The following SNRPN variants were observed in gnomAD, a reference collection of about 807,000 sequenced individuals.
SNRPN encodes small nuclear ribonucleoprotein polypeptide N, also known as small nuclear ribonucleoprotein-associated protein N.
In SNRPN, 7 loss-of-function variants were observed where a neutral mutation model predicts 25.2. That is an observed-to-expected ratio of 0.28 (90% CI 0.16 to 0.52). The LOEUF is 0.52. Among genes scored for constraint, SNRPN ranks in the 20% least tolerant of loss-of-function variants. The probability of loss-of-function intolerance (pLI) is 0.96; values close to 1 mark genes in which losing one functional copy is unlikely to be tolerated. For synonymous variants in SNRPN, 124 were observed against 110.6 expected, an observed-to-expected ratio of 1.12 and a Z score of -0.76; for missense variants, 196 against 322.5, an observed-to-expected ratio of 0.61 and a Z score of 3.00.
intron 1 of SNRPN, among the ~76,000 whole-genome samples, chr15:24,956,693 G>A (rs2062971475): frequency 6.6e-6 from 1 of 152,206 alleles, no homozygotes; most frequent in Non-Finnish European, 1.5e-5. Flanking sequence ...CGGTTGTGGC[G>A]CAGTAGAGGG....
chr15:24,975,935 A>G (rs2077011983), intron 5 of SNRPN, among the ~76,000 whole-genome samples: 1 of 152,128 alleles, frequency 6.6e-6, no homozygotes, highest in Non-Finnish European at 1.5e-5. Flanking sequence ...CCATTATTTC[A>G]GTTCTGTGTC....
intron 8 of SNRPN, 81 bp downstream of exon 8, chr15:24,977,997 C>G (rs987682859): frequency 1.4e-6 from 2 of 1,382,902 alleles, no homozygotes; most frequent in South Asian, 2.8e-5. Context: ...GCCTGAGAGC[C>G]TAAGAATTTG....
chr15:24,931,263 G>A (rs1264370077), intron 3 of SNRPN, among the ~76,000 whole-genome samples: 1 of 152,136 alleles, frequency 6.6e-6, no homozygotes, highest in Non-Finnish European at 1.5e-5. Context: ...TATACTGAAT[G>A]ATTTTATTCC....
rs1280410879 is a variant in SNRPN, at chr15:24,931,883, C to G, written c.-391+11759C>G. ...AAAAAAAAAAAGACTTTGCTTCACC[C>G]ACAAAGGGAAAATCAGGGAATAGGA... On this transcript the variant is annotated intron_variant, in intron 3 of 11. Coordinates refer to the SNRPN transcript ENST00000400097. Among the ~76,000 whole-genome samples, 4 of 142,820 alleles carry G rather than the reference C, an allele frequency of 2.8e-5. No individual in the cohort carries two copies. The East Asian group carries it at 8.3e-4, about 30-fold the overall frequency. 93.7% of individuals were successfully genotyped at this position (142,820 alleles called of 152,430 possible). A position where few individuals can be genotyped will look rare whatever the true frequency, so the allele number is the denominator to read the frequency against.
chr15:24,835,211 T>G (rs920901065), intron 2 of SNRPN, among the ~76,000 whole-genome samples: 21 of 148,434 alleles, frequency 1.4e-4, no homozygotes, highest in African/African-American at 5.0e-4. Flanking sequence ...AATAAAATTT[T>G]GTTTTAGTTT....
chr15:24,930,085 A>T (rs1364998487), intron 3 of SNRPN, among the ~76,000 whole-genome samples: 2 of 152,050 alleles, frequency 1.3e-5, no homozygotes, highest in South Asian at 4.2e-4. Context: ...GCGAGCTTGC[A>T]GTGAGCCGAG....
At chr15:24,957,184 A>G (rs1036299734) in intron 1 of SNRPN, among the ~76,000 whole-genome samples, 2 of 152,158 alleles carry the variant, frequency 1.3e-5, no homozygotes, top group Non-Finnish European at 2.9e-5. Context: ...TGGATAGTCC[A>G]TTCTGATGCA....
chr15:24,862,169 T>TA (rs1392593605), intron 1 of SNRPN, among the ~76,000 whole-genome samples: 1 of 150,978 alleles, frequency 6.6e-6, no homozygotes, highest in East Asian at 1.9e-4. Context: ...TAAAATAGAC[T>TA]AGAAATGATG....
At chr15:24,976,825 A>T in intron 6 of SNRPN, 52 bp from the exon 7 acceptor site, 1 of 1,522,056 alleles carries the variant, frequency 6.6e-7, no homozygotes, top group Non-Finnish European at 9.0e-7. Flanking sequence ...GAATAAGAAT[A>T]CTGAGAACTT....
chr15:24,883,690 T>G (rs923512912), intron 1 of SNRPN, among the ~76,000 whole-genome samples: 1 of 151,924 alleles, frequency 6.6e-6, no homozygotes. Context: ...ATTATAATAA[T>G]ATTAGTTACT....
chr15:24,919,564 A>G (rs190415392), intron 2 of SNRPN, among the ~76,000 whole-genome samples: 4 of 152,292 alleles, frequency 2.6e-5, no homozygotes, highest in Admixed American at 6.5e-5. Context: ...ATTTATAACC[A>G]AAGAGCAGGC....
chr15:24,894,907 G>C (rs1165166708), intron 2 of SNRPN, among the ~76,000 whole-genome samples: 1 of 152,140 alleles, frequency 6.6e-6, no homozygotes, highest in Non-Finnish European at 1.5e-5. Flanking sequence ...ACAAGAGACA[G>C]ATTAATGAGA....
intron 1 of SNRPN, among the ~76,000 whole-genome samples, chr15:24,857,838 A>C (rs2053554739): frequency 6.6e-6 from 1 of 152,142 alleles, no homozygotes; most frequent in South Asian, 2.1e-4. Flanking sequence ...TACTCAAATC[A>C]ATCTCCCTGT....
chr15:24,883,328 G>T (rs73371266), intron 1 of SNRPN, among the ~76,000 whole-genome samples: 14,381 of 152,282 alleles, frequency 0.094, 746 homozygotes, highest in African/African-American at 0.12. Context: ...CTGCAGGAAA[G>T]GCACCTTGGC....
Position 24,927,475 on chromosome 15 carries a change from A to ATTTTTTTTTTTTTTTTTTTTTT in SNRPN, c.-391+7351_-391+7352insTTTTTTTTTTTTTTTTTTTTTT, listed in dbSNP as rs1566921436. 6.2e-5 allele frequency among the ~76,000 whole-genome samples: 7 copies of ATTTTTTTTTTTTTTTTTTTTTT among 113,332 alleles called. 1 individual carries two copies. The highest frequency in any genetic ancestry group is 6.1e-4 in the East Asian group (2 of 3,298). 74.4% of individuals were successfully genotyped at this position (113,332 alleles called of 152,430 possible). On this transcript the variant is annotated intron_variant, in intron 3 of 11. Transcript: ENST00000400097. ...TTTCCCACTGCTTATAAAGTTTTTA[A>ATTTTTTTTTTTTTTTTTTTTTT]ATTTTTTTTTTTTTTTTTTTTTTTT...
At chr15:24,916,893 G>A (rs957491815) in intron 2 of SNRPN, among the ~76,000 whole-genome samples, 1 of 152,186 alleles carries the variant, frequency 6.6e-6, no homozygotes, top group African/African-American at 2.4e-5. Context: ...GATTTATTGT[G>A]AAGATCGAAA....
intron 2 of SNRPN, chr15:24,848,383 G>A (rs1269036502): frequency 1.3e-5 from 2 of 152,336 alleles, no homozygotes; most frequent in South Asian, 3.9e-4. Context: ...GCGCCCGCTG[G>A]GAGTGTCTTA....
chr15:24,919,436 A>G (rs1205401269), intron 2 of SNRPN, among the ~76,000 whole-genome samples: 1 of 151,300 alleles, frequency 6.6e-6, no homozygotes, highest in Non-Finnish European at 1.5e-5. Flanking sequence ...GTCTCAAAAA[A>G]AAAAAAAAAA....
chr15:24,904,884 A>C (rs972626621), intron 2 of SNRPN, among the ~76,000 whole-genome samples: 7 of 148,694 alleles, frequency 4.7e-5, no homozygotes, highest in African/African-American at 1.7e-4. Flanking sequence ...TGGAGCTTGC[A>C]GTGAGCCGAG....
Sources: allele counts gnomAD v4.1 joint callset (sites outside exome capture counted in the v4.1 genomes callset), GRCh38; gene constraint gnomAD v4.1.1; transcripts MANE v1.5; gene names NCBI Gene and HGNC (gene_info 2026-07-23, HGNC 2026-07-21).